GTSF1: variants seen among roughly 807,000 people sequenced by gnomAD.
GTSF1 encodes the protein gametocyte specific factor 1.
In GTSF1, 11 loss-of-function variants were observed where a neutral mutation model predicts 28.9. The ratio of observed to expected loss-of-function variants is 0.38; its 90% CI spans 0.24 to 0.63. The LOEUF is 0.63. Among genes scored for constraint, GTSF1 ranks in the 30% least tolerant of loss-of-function variants. GTSF1 has a pLI of 0.56. For synonymous variants in GTSF1, 69 were observed against 65.6 expected (o/e 1.05, Z -0.25); for missense variants, 146 against 201.0 (o/e 0.73, Z 1.66).
intron 7 of GTSF1, 62 bp from the exon 8 acceptor site, chr12:54,459,187 A>G (rs1316463227): frequency 3.3e-6 from 5 of 1,526,474 alleles, no homozygotes; most frequent in Non-Finnish European, 4.5e-6. Context: ...TCCATCCCCT[A>G]TTCTTACTAA....
In GTSF1 at chr12:54,465,015, T is replaced by C. The variant is rs991235603; in HGVS notation, c.117+52A>G. On this transcript the variant is annotated intron_variant, in intron 3 of 8. Transcript: ENST00000305879. ...AAAATTATTTGATATTTATAAAATA[T>C]GGCCTTTTAAAAGAACTCAGGAGGG... The C allele has an allele frequency of 2.1e-5, 21 of 1,013,502 alleles. No homozygotes were observed. In the Admixed American group the frequency reaches 2.8e-4, roughly 13 times the overall value. 62.8% of individuals were successfully genotyped at this position (1,013,502 alleles called of 1,614,324 possible). A position where few individuals can be genotyped will look rare whatever the true frequency, so the allele number is the denominator to read the frequency against.
intron 8 of GTSF1, among the ~76,000 whole-genome samples, chr12:54,458,665 C>T (rs530212005): frequency 1.2e-4 from 18 of 152,116 alleles, no homozygotes; most frequent in Non-Finnish European, 2.1e-4. Flanking sequence ...CCACTGCACC[C>T]GGCCAGAAAC....
intron 8 of GTSF1, among the ~76,000 whole-genome samples, chr12:54,456,418 G>C (rs778965378): frequency 6.6e-6 from 1 of 152,214 alleles, no homozygotes; most frequent in African/African-American, 2.4e-5. Context: ...TTTTACAAGT[G>C]AGGAGAATAT....
rs1431636045 is a variant in GTSF1 at position 54,471,279 on chromosome 12, T to C, written c.-29-2A>G. The C allele has an allele frequency of 1.3e-6, 2 of 1,586,178 alleles. No individual in the cohort carries two copies. The highest frequency in any genetic ancestry group is 4.6e-5 in the East Asian group (2 of 43,744). On this transcript the variant is annotated splice_acceptor_variant, in intron 1 of 8. Coordinates refer to ENST00000305879, the MANE Select transcript of GTSF1 (RefSeq NM_144594.3). LOFTEE classifies it low-confidence loss of function (5UTR_SPLICE). ...AAATGAAGAAGCTGAATCCAAGTGC[T>C]GGAAAAAACAAAAGTGTGATTCAGG...
intron 2 of GTSF1, among the ~76,000 whole-genome samples, chr12:54,467,424 C>T (rs1956535145): frequency 6.6e-6 from 1 of 151,738 alleles, no homozygotes; most frequent in Non-Finnish European, 1.5e-5. Flanking sequence ...ATGTGGTTCT[C>T]CTGCCTCAGA....
At chr12:54,471,848 G>A (rs557210394) in intron 1 of GTSF1, 5 of 149,390 alleles carry the variant, frequency 3.3e-5, no homozygotes, top group South Asian at 2.2e-4. Flanking sequence ...GCAAGACTAC[G>A]TCTCTACAAA....
chr12:54,460,339 T>C (rs376348312), intron 7 of GTSF1, 38 bp downstream of exon 7: 6 of 1,408,426 alleles, frequency 4.3e-6, no homozygotes, highest in Middle Eastern at 1.8e-4. Context: ...TTTAGCACAA[T>C]GAAAAGAGTA....
rs1171025089 is a variant in GTSF1 at position 54,465,124 on chromosome 12, G to C, written c.60C>G (p.Asp20Glu). 1 of 1,613,550 alleles carries C rather than the reference G, an allele frequency of 6.2e-7. No individual in the cohort carries two copies. Among genetic ancestry groups the C allele is most frequent in the Admixed American group, 1.7e-5 (1 of 60,010 alleles). The change falls in exon 3 of 9, where the codon GAC (aspartate) becomes GAG (glutamate). Residue 20 changes from aspartate to glutamate, a missense_variant. Physicochemically the swap from Asp to Glu is conservative, Grantham distance 45 (BLOSUM62 2). Transcript: ENST00000305879. ...TGCAAGCCCTGATTTGATGGTTTTT[G>C]TCATAGGGGCATTGCAATAGCTTCT... Reference protein sequence around the residue: ...DPEKLLQCPYDKNHQIRACRF... With the variant: ...DPEKLLQCPYEKNHQIRACRF...
At chr12:54,462,870 T>G in intron 4 of GTSF1, 145 bp from the exon 5 acceptor site, 1 of 634,730 alleles carries the variant, frequency 1.6e-6, no homozygotes, top group Non-Finnish European at 2.7e-6. Flanking sequence ...AAAAGAGGGA[T>G]CTTATCTCTT....
chr12:54,470,213 G>A (rs1421699612), intron 2 of GTSF1, among the ~76,000 whole-genome samples: 1 of 152,030 alleles, frequency 6.6e-6, no homozygotes, highest in African/African-American at 2.4e-5. Flanking sequence ...AAAATTAAGG[G>A]GCAGGGGATC....
chr12:54,472,525 A>AT (rs1405557845), intron 1 of GTSF1: 1 of 152,244 alleles, frequency 6.6e-6, no homozygotes, highest in Non-Finnish European at 1.5e-5. Context: ...ATCCTTTTCT[A>AT]TTAGAAATCT....
At chr12:54,463,000 A>G (rs1956448759) in intron 4 of GTSF1, among the ~76,000 whole-genome samples, 171 bp downstream of exon 4, 1 of 152,250 alleles carries the variant, frequency 6.6e-6, no homozygotes, top group South Asian at 2.1e-4. Context: ...AGAAAACAGT[A>G]TGACATGTAC....
At chr12:54,459,046 G>A in intron 8 of GTSF1, 43 bp downstream of exon 8, 2 of 1,391,356 alleles carry the variant, frequency 1.4e-6, no homozygotes, top group Admixed American at 2.0e-5. Context: ...GTTAAATCTT[G>A]CTACCATCTG....
chr12:54,467,302 G>T (rs1273449551), intron 2 of GTSF1, among the ~76,000 whole-genome samples: 1 of 149,482 alleles, frequency 6.7e-6, no homozygotes, highest in Admixed American at 6.7e-5. Flanking sequence ...AGAATTTCCT[G>T]TGTGTTTTTT....
intron 2 of GTSF1, among the ~76,000 whole-genome samples, chr12:54,469,393 A>G (rs1452720861): frequency 6.6e-6 from 1 of 151,684 alleles, no homozygotes; most frequent in African/African-American, 2.4e-5. Flanking sequence ...TTTCTTTTTA[A>G]GAGACAGGGT....
intron 2 of GTSF1, among the ~76,000 whole-genome samples, chr12:54,467,836 G>A (rs565605506): frequency 1.3e-5 from 2 of 150,890 alleles, no homozygotes; most frequent in Admixed American, 6.6e-5. Context: ...GTGCAATGGC[G>A]AATCTCGGCT....
chr12:54,460,461 T>G lies in GTSF1; in HGVS notation c.403A>C (p.Asn135His), dbSNP rs1956404202. Reference sequence around the variant, plus strand: ...TTATTCTTATGTTCTGTAACTATGTTGCTCGCAGGGCTGCAAAAAGATGAA... The same window carrying G: ...TTATTCTTATGTTCTGTAACTATGTGGCTCGCAGGGCTGCAAAAAGATGAA... The part of the protein sequence containing the change: ...HYSDNNSPAS[N>H]IVTEHKNNLA... The change falls in exon 7 of 9, where the codon AAC becomes CAC. Residue 135 changes from asparagine to histidine, a missense_variant. Physicochemically the swap from Asn to His is moderately conservative, Grantham distance 68 (BLOSUM62 1). Transcript: ENST00000305879. 3.1e-6 allele frequency: 5 copies of G among 1,613,028 alleles called. No homozygotes were observed. The highest frequency in any genetic ancestry group is 3.4e-6 in the Non-Finnish European group (4 of 1,179,198).
intron 3 of GTSF1, among the ~76,000 whole-genome samples, chr12:54,464,281 G>C (rs1262079635): frequency 3.3e-5 from 5 of 152,172 alleles, no homozygotes; most frequent in African/African-American, 1.2e-4. Flanking sequence ...AGTGGTATCT[G>C]CTGATCCATA....
intron 4 of GTSF1, 75 bp from the exon 5 acceptor site, chr12:54,462,800 A>C: frequency 7.5e-6 from 9 of 1,206,318 alleles, no homozygotes; most frequent in Non-Finnish European, 1.1e-5. Flanking sequence ...TAGTAGCTTA[A>C]AAGGTTGCAA....
Sources: allele counts gnomAD v4.1 joint callset (sites outside exome capture counted in the v4.1 genomes callset), GRCh38; gene constraint gnomAD v4.1.1; transcripts MANE v1.5; gene names NCBI Gene and HGNC (gene_info 2026-07-23, HGNC 2026-07-21).